CPNE4: variants seen among roughly 807,000 people sequenced by gnomAD.
CPNE4 encodes the protein copine-4.
In CPNE4, 25 loss-of-function variants were observed where a neutral mutation model predicts 67.9. That is an observed-to-expected ratio of 0.37 (90% confidence interval 0.27 to 0.51). CPNE4 has a LOEUF of 0.51. CPNE4 is among the 20% of genes least tolerant of loss of function. CPNE4 has a pLI of 0.93. For synonymous variants in CPNE4, 242 were observed against 244.9 expected (o/e 0.99, Z 0.11); for missense variants, 464 against 690.8 (o/e 0.67, Z 3.68).
intron 2 of CPNE4, among the ~76,000 whole-genome samples, chr3:131,897,724 A>G (rs1363079978): frequency 6.6e-6 from 1 of 151,998 alleles, no homozygotes; most frequent in Non-Finnish European, 1.5e-5. Context: ...TCAAGATCCC[A>G]TCTCTATGAA....
chr3:131,590,251 A>G (rs55872751), intron 7 of CPNE4, among the ~76,000 whole-genome samples: 3,964 of 152,252 alleles, frequency 0.026, 87 homozygotes, highest in African/African-American at 0.066. Context: ...AGAGAGCAGC[A>G]TGAGATGGCC....
intron 7 of CPNE4, among the ~76,000 whole-genome samples, chr3:131,661,266 A>G (rs2080117565): frequency 6.6e-6 from 1 of 152,246 alleles, no homozygotes; most frequent in Non-Finnish European, 1.5e-5. Context: ...ATTATAGAGC[A>G]GGAGAGACCC....
chr3:131,671,458 CATGTGTGTGTGT>C (rs2080413825), intron 6 of CPNE4, among the ~76,000 whole-genome samples: 3 of 125,622 alleles, frequency 2.4e-5, no homozygotes, highest in African/African-American at 5.3e-5. Flanking sequence ...TGAGTGTACA[CATGTGTGTGTGT>C]GTGTGTGTGT....
Position 131,853,155 on chromosome 3 carries a change from T to C in CPNE4, c.180+52109A>G, listed in dbSNP as rs914932623. Among the ~76,000 whole-genome samples, 4 of 151,902 alleles carry C rather than the reference T, an allele frequency of 2.6e-5. No individual in the cohort carries two copies. The East Asian group carries it at 7.7e-4, about 29-fold the overall frequency. The stretch of plus-strand genomic sequence containing the variant: ...AAATAAGAATATTGGAGAGCTCAGA[T>C]TATGTGAATTCATAAATTATGAAAA... On this transcript the variant is annotated intron_variant, in intron 2 of 15. Coordinates refer to ENST00000429747, the MANE Select transcript of CPNE4 (RefSeq NM_130808.3).
intron 15 of CPNE4, chr3:131,538,762 A>G (rs1200926003): frequency 6.6e-6 from 1 of 152,226 alleles, no homozygotes; most frequent in Non-Finnish European, 1.5e-5. Context: ...CAGGTTAGTT[A>G]TCATGAGAGT....
At chr3:131,880,358 G>A (rs1427676025) in intron 2 of CPNE4, among the ~76,000 whole-genome samples, 8 of 152,020 alleles carry the variant, frequency 5.3e-5, no homozygotes, top group Non-Finnish European at 1.2e-4. Context: ...CTCGTGATAC[G>A]CCCGCCCGAC....
intron 7 of CPNE4, among the ~76,000 whole-genome samples, chr3:131,588,421 G>C (rs997126209): frequency 6.6e-6 from 1 of 152,128 alleles, no homozygotes; most frequent in African/African-American, 2.4e-5. Context: ...TACATCTTAA[G>C]CCAAAGATTT....
chr3:131,685,711 G>A (rs959845592), intron 6 of CPNE4, among the ~76,000 whole-genome samples, 164 bp downstream of exon 6: 2 of 152,114 alleles, frequency 1.3e-5, no homozygotes, highest in African/African-American at 4.8e-5. Context: ...AAGCTGGGAG[G>A]TGGCGGTTGC....
chr3:131,723,895 A>G (rs148742925), intron 2 of CPNE4, among the ~76,000 whole-genome samples: 381 of 152,286 alleles, frequency 2.5e-3, no homozygotes, highest in Non-Finnish European at 4.2e-3. Context: ...GTATCATTAT[A>G]TCATTATGTC....
At chr3:131,681,742 T>G (rs1160647753) in intron 6 of CPNE4, among the ~76,000 whole-genome samples, 1 of 152,142 alleles carries the variant, frequency 6.6e-6, no homozygotes, top group Non-Finnish European at 1.5e-5. Context: ...CTCCTTATAC[T>G]TTATGGCCAA....
At chr3:131,976,219 C>T (rs2072650379) in intron 1 of CPNE4, among the ~76,000 whole-genome samples, 1 of 151,472 alleles carries the variant, frequency 6.6e-6, no homozygotes. Flanking sequence ...AGGCTAGGGT[C>T]AGAAGCCTGG....
In CPNE4 at chr3:131,595,849, G is replaced by A. The variant is rs79163480; in HGVS notation, c.682-8267C>T. On this transcript the variant is annotated intron_variant, in intron 7 of 15. Transcript: ENST00000429747. ...TATCCAAACCATATCAGGGGTGAGC[G>A]TGGAGAACATTATGTTAAGTGAACT... Among the ~76,000 whole-genome samples, 1,028 of 152,234 alleles carry A rather than the reference G, an allele frequency of 6.8e-3. 13 individuals carry two copies. Among genetic ancestry groups the A allele is most frequent in the African/African-American group, 0.024 (980 of 41,542 alleles).
intron 2 of CPNE4, among the ~76,000 whole-genome samples, chr3:131,780,666 T>C (rs1461419097): frequency 2.0e-5 from 3 of 151,938 alleles, no homozygotes; most frequent in Admixed American, 2.0e-4. Flanking sequence ...TGGGGCTTAT[T>C]TGAGAGTGGA....
intron 7 of CPNE4, among the ~76,000 whole-genome samples, chr3:131,664,870 A>T (rs565623201): frequency 1.3e-5 from 2 of 152,308 alleles, no homozygotes; most frequent in Non-Finnish European, 1.5e-5. Context: ...TGCCATAGAA[A>T]GTAGTAGTGT....
intron 2 of CPNE4, among the ~76,000 whole-genome samples, chr3:131,808,091 C>T (rs1468866580): frequency 6.6e-6 from 1 of 152,150 alleles, no homozygotes; most frequent in Non-Finnish European, 1.5e-5. Flanking sequence ...TGACTCAAGT[C>T]CCCACACTAA....
At chr3:131,618,730 C>T (rs1368083716) in intron 7 of CPNE4, among the ~76,000 whole-genome samples, 1 of 152,136 alleles carries the variant, frequency 6.6e-6, no homozygotes, top group Non-Finnish European at 1.5e-5. Flanking sequence ...CCTGGCATAT[C>T]AATCAAAGCC....
At chr3:131,843,773 T>G (rs1445020870) in intron 2 of CPNE4, among the ~76,000 whole-genome samples, 1 of 152,110 alleles carries the variant, frequency 6.6e-6, no homozygotes, top group Non-Finnish European at 1.5e-5. Flanking sequence ...GCACTGGAAG[T>G]GTGAGTCTGG....
intron 2 of CPNE4, among the ~76,000 whole-genome samples, chr3:131,856,650 T>C (rs1448640367): frequency 6.6e-6 from 1 of 151,990 alleles, no homozygotes. Flanking sequence ...TGAGAAATGA[T>C]GGAACCTTAG....
intron 3 of CPNE4, among the ~76,000 whole-genome samples, chr3:131,717,209 A>T (rs1427054230): frequency 6.6e-6 from 1 of 151,444 alleles, no homozygotes; most frequent in Non-Finnish European, 1.5e-5. Flanking sequence ...TGTCTGGCAT[A>T]TTACTCCATG....
Sources: allele counts gnomAD v4.1 joint callset (sites outside exome capture counted in the v4.1 genomes callset), GRCh38; gene constraint gnomAD v4.1.1; transcripts MANE v1.5; gene names NCBI Gene and HGNC (gene_info 2026-07-23, HGNC 2026-07-21).